The following FLT3 variants were observed in gnomAD, a reference collection of about 807,000 sequenced individuals.
The protein encoded by FLT3 is fms related receptor tyrosine kinase 3.
FLT3 carries 46 observed loss-of-function variants against 126.6 expected under a neutral mutation model. That is an observed-to-expected ratio of 0.36 (90% CI 0.29 to 0.46). FLT3 has a LOEUF of 0.46. Among genes scored for constraint, FLT3 ranks in the 20% least tolerant of loss-of-function variants. FLT3 has a pLI of 1.00. For synonymous variants in FLT3, 404 were observed against 434.4 expected (o/e 0.93, Z 0.87); for missense variants, 1,069 against 1,190.3 (o/e 0.90, Z 1.50).
Position 28,003,514 on chromosome 13 carries a change from GA to G in FLT3, c.*537del, listed in dbSNP as rs896133612. On this transcript the variant is annotated 3_prime_UTR_variant, in exon 24 of 24. Coordinates refer to ENST00000241453, the MANE Select transcript of FLT3 (RefSeq NM_004119.3). ...GGTAAAAGCACACGTGCTCTGGAAG[GA>G]ATGTGTAGGTGGCTATGGGTGCACA... 45 of 236,454 alleles carry G rather than the reference GA, an allele frequency of 1.9e-4. No individual in the cohort carries two copies. Among genetic ancestry groups the G allele is most frequent in the African/African-American group, 9.9e-4 (45 of 45,466 alleles). The allele number at this position is 236,454 out of a possible 1,614,324, so 14.6% of individuals were successfully genotyped here. A position where few individuals can be genotyped will look rare whatever the true frequency, so the allele number is the denominator to read the frequency against.
At chr13:28,046,618 G>C (rs1167517041) in intron 9 of FLT3, among the ~76,000 whole-genome samples, 2 of 151,264 alleles carry the variant, frequency 1.3e-5, no homozygotes, top group Non-Finnish European at 2.9e-5. Context: ...TTCTTTTTGA[G>C]GCAGGTTCTT....
chr13:28,098,821 CTTA>C (rs1394454672), intron 1 of FLT3, among the ~76,000 whole-genome samples: 1 of 151,554 alleles, frequency 6.6e-6, no homozygotes, highest in Non-Finnish European at 1.5e-5. Flanking sequence ...AAGGTTGAAT[CTTA>C]TTATTATAAT....
At chr13:28,044,068 G>A (rs976369749) in intron 9 of FLT3, among the ~76,000 whole-genome samples, 4 of 150,246 alleles carry the variant, frequency 2.7e-5, no homozygotes, top group East Asian at 2.0e-4. Flanking sequence ...AATCACCTCC[G>A]CCAGGAGGAG....
At position 28,015,026 on chromosome 13, in the gene FLT3, C is replaced by T. The variant is rs535772149; in HGVS notation, c.2753+131G>A. 1.1e-4 allele frequency: 68 copies of T among 623,058 alleles called. 2 individuals are homozygous for T. The South Asian group carries it at 1.4e-3, about 13-fold the overall frequency. The allele number at this position is 623,058 out of a possible 1,614,324, so 38.6% of individuals were successfully genotyped here. ...GCCTGGCCAACACAGCAAGACCTCA[C>T]TTCTATTTTTTAAAAAAAGAATCCT... On this transcript the variant is annotated intron_variant, in intron 22 of 23. Coordinates refer to ENST00000241453, the MANE Select transcript of FLT3 (RefSeq NM_004119.3).
At position 28,080,579 on chromosome 13, in the gene FLT3, T is replaced by G. The variant is rs530122124; in HGVS notation, c.44-9967A>C. Among the ~76,000 whole-genome samples, 9 of 152,302 alleles carry G rather than the reference T, an allele frequency of 5.9e-5. No homozygotes were observed. The East Asian group carries it at 1.7e-3, about 29-fold the overall frequency. The stretch of plus-strand genomic sequence containing the variant: ...TATATATATTCTGGATACAAGTCCT[T>G]TATCACTTATGTAATTGGCAAATAT... On this transcript the variant is annotated intron_variant, in intron 1 of 23. Coordinates refer to ENST00000241453, the MANE Select transcript of FLT3 (RefSeq NM_004119.3).
chr13:28,043,048 G>A lies in FLT3; in HGVS notation c.1205+5227C>T, dbSNP rs149750902. ...ACAGCTGTTTACCCCGTAAGCACTC[G>A]GTTAGTGCCTACTGTGGGCAAAACT... On this transcript the variant is annotated intron_variant, in intron 9 of 23. Coordinates refer to ENST00000241453, the MANE Select transcript of FLT3 (RefSeq NM_004119.3). Among the ~76,000 whole-genome samples, 764 of 151,978 alleles carry A rather than the reference G, an allele frequency of 5.0e-3. 5 individuals are homozygous for A. Among genetic ancestry groups the A allele is most frequent in the East Asian group, 0.016 (85 of 5,184 alleles).
In FLT3 at chr13:28,048,309, G is replaced by T. The variant is rs1875085486; in HGVS notation, c.1171C>A (p.Pro391Thr). Residue 391 changes from proline to threonine, a missense_variant, in exon 9 of 24, where the codon CCT (proline) becomes ACT (threonine). Transcript: ENST00000241453. ...TTATCAAGACCCTTTTGCTCACAAG[G>T]AAATGATTTTCGAGAGAAGGTCCAC... Reference protein sequence around the residue: ...CTWTFSRKSFPCEQKGLDNGY... With the variant: ...CTWTFSRKSFTCEQKGLDNGY... The T allele has an allele frequency of 6.2e-7, 1 of 1,613,956 alleles. No homozygotes were observed. Among genetic ancestry groups the T allele is most frequent in the Non-Finnish European group, 8.5e-7 (1 of 1,179,900 alleles).
intron 2 of FLT3, among the ~76,000 whole-genome samples, chr13:28,065,107 C>T (rs373503322): frequency 7.9e-5 from 12 of 152,104 alleles, no homozygotes; most frequent in African/African-American, 2.7e-4. Context: ...GTATGCTATG[C>T]TATGTAAGAA....
intron 18 of FLT3, among the ~76,000 whole-genome samples, chr13:28,024,282 C>G (rs1366337066): frequency 6.6e-6 from 1 of 152,164 alleles, no homozygotes; most frequent in South Asian, 2.1e-4. Flanking sequence ...CAGGCGTGCA[C>G]CACCATACCC....
chr13:28,020,410 A>G (rs980861477), intron 19 of FLT3, among the ~76,000 whole-genome samples: 2 of 152,114 alleles, frequency 1.3e-5, no homozygotes, highest in Non-Finnish European at 2.9e-5. Context: ...GTGCAGCGGT[A>G]CAATCTCTGC....
rs576713734 is a variant in FLT3 at position 28,028,969 on chromosome 13, A to G, written c.1943-681T>C. Among the ~76,000 whole-genome samples the G allele has an allele frequency of 1.7e-4, 24 of 145,306 alleles. No individual in the cohort carries two copies. In the East Asian group the frequency reaches 4.8e-3, roughly 29 times the overall value. On this transcript the variant is annotated intron_variant, in intron 15 of 23. Transcript: ENST00000241453. Reference sequence around the variant, plus strand: ...GCTAATTTTTATATTTTTTGTAGAGATGGGGTCTCACCATGTTGCCCAGGC... The same window carrying G: ...GCTAATTTTTATATTTTTTGTAGAGGTGGGGTCTCACCATGTTGCCCAGGC...
At chr13:28,089,624 AT>A (rs1437160387) in intron 1 of FLT3, among the ~76,000 whole-genome samples, 1 of 152,126 alleles carries the variant, frequency 6.6e-6, no homozygotes, top group African/African-American at 2.4e-5. Flanking sequence ...GCTACGTATC[AT>A]AAGATTCCAC....
At chr13:28,051,657 G>C (rs1001697927) in intron 5 of FLT3, among the ~76,000 whole-genome samples, 37 of 148,518 alleles carry the variant, frequency 2.5e-4, no homozygotes, top group African/African-American at 9.2e-4. Flanking sequence ...CCATTCTCCT[G>C]CCTCAGCCTC....
intron 4 of FLT3, among the ~76,000 whole-genome samples, chr13:28,055,351 C>T (rs148815286): frequency 2.6e-5 from 4 of 152,186 alleles, no homozygotes; most frequent in African/African-American, 9.7e-5. Context: ...TTCAACTGCT[C>T]CTAATTTAAA....
intron 16 of FLT3, 112 bp from the exon 17 acceptor site, chr13:28,027,353 G>A: frequency 1.4e-6 from 1 of 738,430 alleles, no homozygotes; most frequent in Non-Finnish European, 2.1e-6. Context: ...GCTGACTTGG[G>A]GACAGTACAA....
chr13:28,034,337 G>T lies in FLT3; in HGVS notation c.1668C>A (p.Val556=). The T allele has an allele frequency of 1.2e-6, 2 of 1,613,912 alleles. No individual in the cohort carries two copies. The highest frequency in any genetic ancestry group is 2.2e-5 in the South Asian group (2 of 91,030). Residue 556 remains valine, a synonymous_variant, in exon 13 of 24, where the codon GTC becomes GTA. Transcript: ENST00000241453. ...TGTGACAAATTAGCAGGGTTAAAAC[G>T]ACAATGAAGAGGAGACAAACACCAA... ...ATIGVCLLFI[V]VLTLLICHKY... is the part of the protein sequence containing the mutation.
chr13:28,009,855 C>A (rs1871214175), intron 23 of FLT3, among the ~76,000 whole-genome samples: 1 of 152,176 alleles, frequency 6.6e-6, no homozygotes, highest in African/African-American at 2.4e-5. Flanking sequence ...AGCCACCACG[C>A]TTGGCCTCCC....
At chr13:28,070,411 G>T in intron 2 of FLT3, 80 bp downstream of exon 2, 2 of 1,205,688 alleles carry the variant, frequency 1.7e-6, no homozygotes, top group Admixed American at 1.9e-5. Flanking sequence ...AGCCCATTTA[G>T]CCATGGTAGG....
intron 2 of FLT3, among the ~76,000 whole-genome samples, chr13:28,065,159 T>C (rs1034209594): frequency 6.6e-6 from 1 of 152,192 alleles, no homozygotes; most frequent in Admixed American, 6.5e-5. Context: ...TGGTCACTTG[T>C]GCACAATAAA....
Sources: gnomAD v4.1 joint callset for allele counts (sites outside exome capture counted in the v4.1 genomes callset) on GRCh38, gnomAD v4.1.1 for gene constraint, MANE v1.5 for transcripts, NCBI Gene and HGNC (gene_info 2026-07-23, HGNC 2026-07-21) for gene names.